The following RREB1 variants were observed in gnomAD, a reference collection of about 807,000 sequenced individuals.
The protein encoded by RREB1 is ras responsive element binding protein 1, also known as ras-responsive element-binding protein 1.
RREB1 carries 27 observed loss-of-function variants against 117.8 expected under a neutral mutation model. The observed-to-expected ratio is 0.23, with a 90% confidence interval of 0.17 to 0.32. The LOEUF is 0.32. RREB1 is among the 10% of genes least tolerant of loss of function. The probability of loss-of-function intolerance (pLI) is 1.00; values close to 1 mark genes in which losing one functional copy is unlikely to be tolerated. For synonymous variants in RREB1, 1,298 were observed against 1,026.7 expected, an observed-to-expected ratio of 1.26 and a Z score of -5.05; for missense variants, 2,577 against 2,378.2, an observed-to-expected ratio of 1.08 and a Z score of -1.74.
chr6:7,233,039 G>T (rs1768098142), intron 10 of RREB1, among the ~76,000 whole-genome samples: 1 of 152,066 alleles, frequency 6.6e-6, no homozygotes. Flanking sequence ...GAGATTACAG[G>T]CATGCGCCAC....
intron 6 of RREB1, among the ~76,000 whole-genome samples, chr6:7,201,735 T>C (rs921125928): frequency 1.3e-5 from 2 of 152,222 alleles, no homozygotes; most frequent in Non-Finnish European, 2.9e-5. Flanking sequence ...ATGGGTTCAT[T>C]GGTCCTGTGG....
At chr6:7,192,179 TTTG>T (rs551930153) in intron 6 of RREB1, among the ~76,000 whole-genome samples, 6 of 150,744 alleles carry the variant, frequency 4.0e-5, no homozygotes, top group South Asian at 2.1e-4. Context: ...CCTTTATTCT[TTTG>T]TTGTTGTTGT....
chr6:7,185,829 G>T (rs1443362944), intron 4 of RREB1, among the ~76,000 whole-genome samples: 2 of 152,204 alleles, frequency 1.3e-5, no homozygotes, highest in Admixed American at 1.3e-4. Flanking sequence ...GTGGCTTAGG[G>T]CATGGGCTGT....
Position 7,183,922 on chromosome 6 carries a change from C to T in RREB1, c.171+1840C>T, listed in dbSNP as rs1411769624. On this transcript the variant is annotated intron_variant, in intron 4 of 12. Coordinates refer to ENST00000379938, the MANE Select transcript of RREB1 (RefSeq NM_001003699.4). ...TTAGAGTTCCAGGAGAGATTAGCCA[C>T]AGCCGGATGCTGACAAGGGTGCCAG... 6 of 152,238 alleles carry T rather than the reference C, an allele frequency of 3.9e-5. No homozygotes were observed. In the East Asian group the frequency reaches 9.6e-4, roughly 24 times the overall value. 9.4% of individuals were successfully genotyped at this position (152,238 alleles called of 1,614,324 possible). A position where few individuals can be genotyped will look rare whatever the true frequency, so the allele number is the denominator to read the frequency against.
At chr6:7,179,204 G>A (rs770109821) in intron 2 of RREB1, among the ~76,000 whole-genome samples, 7 of 152,022 alleles carry the variant, frequency 4.6e-5, no homozygotes, top group Non-Finnish European at 8.8e-5. Context: ...TGTTTAACCT[G>A]TTCCCAGACT....
rs1041012816 is a variant in RREB1, at chr6:7,231,306, C to T, written c.3207C>T (p.Ala1069=). 7 of 1,609,490 alleles carry T rather than the reference C, an allele frequency of 4.3e-6. No individual in the cohort carries two copies. In the Admixed American group the frequency reaches 5.0e-5, roughly 12 times the overall value. The change falls in exon 10 of 13, where the codon GCC becomes GCT. Residue 1069 remains alanine, a synonymous_variant. Transcript: ENST00000379938. The stretch of plus-strand genomic sequence containing the variant: ...AGCTGCCCCCGCTGGCCTCCATTGC[C>T]CAGATCATCTCATCTGTATCCTCGG... ...TEELPPLASI[A]QIISSVSSAP... is the part of the protein sequence containing the mutation.
chr6:7,232,917 C>T (rs941576417), intron 10 of RREB1, among the ~76,000 whole-genome samples: 6 of 151,844 alleles, frequency 4.0e-5, no homozygotes, highest in Non-Finnish European at 7.4e-5. Flanking sequence ...TTTTTTGAGA[C>T]GGAGTCTCGC....
intron 1 of RREB1, among the ~76,000 whole-genome samples, chr6:7,134,083 C>G (rs962849039): frequency 1.3e-5 from 2 of 152,134 alleles, no homozygotes; most frequent in African/African-American, 4.8e-5. Context: ...ATTCCCTGGG[C>G]ACTCATTGTG....
intron 4 of RREB1, chr6:7,182,955 A>G (rs950772964): frequency 3.3e-5 from 5 of 152,208 alleles, no homozygotes; most frequent in African/African-American, 9.6e-5. Flanking sequence ...TTCTTTTTTT[A>G]TAAATAATCC....
chr6:7,171,440 C>T (rs1005779310), intron 1 of RREB1, among the ~76,000 whole-genome samples: 4 of 152,170 alleles, frequency 2.6e-5, no homozygotes, highest in Non-Finnish European at 5.9e-5. Flanking sequence ...GGGAGCACAC[C>T]TGTGCTCTCC....
chr6:7,154,644 G>A (rs72816925), intron 1 of RREB1, among the ~76,000 whole-genome samples: 7 of 152,258 alleles, frequency 4.6e-5, no homozygotes, highest in Admixed American at 1.3e-4. Flanking sequence ...TGAGGAAATT[G>A]CAGAACTGAG....
intron 1 of RREB1, among the ~76,000 whole-genome samples, chr6:7,117,710 G>T (rs918972728): frequency 2.6e-5 from 4 of 151,960 alleles, no homozygotes; most frequent in African/African-American, 7.3e-5. Context: ...CGCCCCACCA[G>T]ATTTCCTTTT....
At chr6:7,239,220 T>C (rs1768530571) in intron 10 of RREB1, among the ~76,000 whole-genome samples, 1 of 152,218 alleles carries the variant, frequency 6.6e-6, no homozygotes, top group Non-Finnish European at 1.5e-5. Context: ...CCTAGGGTTA[T>C]GAGACAAAAG....
At chr6:7,187,629 A>C in intron 5 of RREB1, 106 bp downstream of exon 5, 2 of 475,034 alleles carry the variant, frequency 4.2e-6, no homozygotes, top group South Asian at 1.8e-4. Flanking sequence ...AGAGTAGAAC[A>C]AGGAGTTAAA....
chr6:7,171,073 G>A (rs1041691803), intron 1 of RREB1, among the ~76,000 whole-genome samples: 5 of 152,190 alleles, frequency 3.3e-5, no homozygotes, highest in Non-Finnish European at 7.3e-5. Context: ...CCTCGTGTTG[G>A]TGGATCTTCT....
At chr6:7,119,949 G>C (rs1012920976) in intron 1 of RREB1, among the ~76,000 whole-genome samples, 1 of 151,978 alleles carries the variant, frequency 6.6e-6, no homozygotes, top group African/African-American at 2.4e-5. Flanking sequence ...AGGAAGGGTC[G>C]TGGAAGGGAG....
chr6:7,184,625 C>T (rs1004461176), intron 4 of RREB1: 1 of 151,916 alleles, frequency 6.6e-6, no homozygotes, highest in Non-Finnish European at 1.5e-5. Flanking sequence ...ATTTTGTGGA[C>T]CTGTATGATG....
intron 1 of RREB1, among the ~76,000 whole-genome samples, chr6:7,109,267 A>G (rs1487568867): frequency 6.6e-6 from 1 of 151,000 alleles, no homozygotes; most frequent in Non-Finnish European, 1.5e-5. Context: ...CCCGCCCCCA[A>G]CTTCCCGCAC....
chr6:7,166,750 C>T (rs950623685), intron 1 of RREB1, among the ~76,000 whole-genome samples: 6 of 152,146 alleles, frequency 3.9e-5, no homozygotes, highest in East Asian at 1.9e-4. Context: ...TCTGGGAATT[C>T]GAAGCCCAGA....
Sources: gnomAD v4.1 joint callset for allele counts (sites outside exome capture counted in the v4.1 genomes callset) on GRCh38, gnomAD v4.1.1 for gene constraint, MANE v1.5 for transcripts, NCBI Gene and HGNC (gene_info 2026-07-23, HGNC 2026-07-21) for gene names.